ATP8A1: variants seen among roughly 807,000 people sequenced by gnomAD.
ATP8A1 encodes the protein ATPase phospholipid transporting 8A1, also known as phospholipid-transporting ATPase IA.
A neutral mutation model predicts 177.7 loss-of-function variants in ATP8A1; 90 were observed. The ratio of observed to expected loss-of-function variants is 0.51; its 90% CI spans 0.43 to 0.60. The LOEUF (loss-of-function observed/expected upper bound fraction) is 0.60, where lower values mean the gene tolerates loss of function less well. ATP8A1 is among the 20% of genes least tolerant of loss of function. The pLI is 0.00. For synonymous variants in ATP8A1, 493 were observed against 485.9 expected (o/e 1.01, Z -0.19); for missense variants, 1,072 against 1,392.8 (o/e 0.77, Z 3.67).
At chr4:42,617,792 CA>C (rs1459162122) in intron 4 of ATP8A1, among the ~76,000 whole-genome samples, 1 of 152,218 alleles carries the variant, frequency 6.6e-6, no homozygotes, top group East Asian at 1.9e-4. Context: ...AACTCTTGCA[CA>C]AGAGCATCTC....
chr4:42,631,311 A>G (rs112678725), intron 1 of ATP8A1, among the ~76,000 whole-genome samples: 9 of 152,356 alleles, frequency 5.9e-5, no homozygotes, highest in Admixed American at 1.3e-4. Flanking sequence ...TCAAGTAGAC[A>G]TATGTTGCCC....
At chr4:42,436,281 T>C (rs1172847695) in intron 33 of ATP8A1, among the ~76,000 whole-genome samples, 1 of 152,060 alleles carries the variant, frequency 6.6e-6, no homozygotes, top group African/African-American at 2.4e-5. Context: ...CCTTGCATCC[T>C]CCAGTGCCTA....
chr4:42,465,149 T>C (rs1466008115), intron 25 of ATP8A1, 73 bp from the exon 26 acceptor site: 3 of 1,344,538 alleles, frequency 2.2e-6, no homozygotes, highest in East Asian at 2.3e-5. Flanking sequence ...TGTTGAAGGA[T>C]AAAAGATGCA....
intron 22 of ATP8A1, among the ~76,000 whole-genome samples, chr4:42,513,432 G>A (rs1725218072): frequency 6.6e-6 from 1 of 152,088 alleles, no homozygotes; most frequent in Admixed American, 6.6e-5. Flanking sequence ...TCTTAGTCTC[G>A]ATGGCTCAAA....
chr4:42,500,160 T>C (rs896662417), intron 24 of ATP8A1, among the ~76,000 whole-genome samples: 2 of 151,338 alleles, frequency 1.3e-5, no homozygotes, highest in Non-Finnish European at 2.9e-5. Flanking sequence ...AGGTCAGGAG[T>C]TCAAGACCAG....
intron 6 of ATP8A1, among the ~76,000 whole-genome samples, chr4:42,592,575 T>C (rs1734293533): frequency 6.6e-6 from 1 of 152,156 alleles, no homozygotes. Flanking sequence ...CTTTCCCAAA[T>C]TGTTAGAAGG....
chr4:42,628,624 G>A (rs1032033089), intron 1 of ATP8A1, among the ~76,000 whole-genome samples: 1 of 151,412 alleles, frequency 6.6e-6, no homozygotes, highest in Non-Finnish European at 1.5e-5. Context: ...CAGCAGCTTT[G>A]CTCACAGTGT....
intron 7 of ATP8A1, among the ~76,000 whole-genome samples, chr4:42,589,852 CTT>C (rs5857854): frequency 1.4e-4 from 21 of 149,984 alleles, no homozygotes; most frequent in Middle Eastern, 3.4e-3. Context: ...TCTAATTCTA[CTT>C]TTTTTTTTTG....
chr4:42,624,517 GA>G lies in ATP8A1; in HGVS notation c.363+18del. 7.6e-7 allele frequency: 1 copy of G among 1,307,912 alleles called. No homozygotes were observed. Among genetic ancestry groups the G allele is most frequent in the Non-Finnish European group, 1.0e-6 (1 of 963,564 alleles). 81.0% of individuals were successfully genotyped at this position (1,307,912 alleles called of 1,614,324 possible). A position where few individuals can be genotyped will look rare whatever the true frequency, so the allele number is the denominator to read the frequency against. ...AAATAACAAAGTCACATACAATTATGAAAAAATAGAATACTTACAATATCTT... is the reference window on the plus strand; with the variant it reads ...AAATAACAAAGTCACATACAATTATGAAAAATAGAATACTTACAATATCTT... On this transcript the variant is annotated intron_variant, in intron 4 of 36. Transcript: ENST00000381668.
intron 15 of ATP8A1, among the ~76,000 whole-genome samples, chr4:42,565,347 T>C (rs1245400762): frequency 1.3e-5 from 2 of 152,222 alleles, no homozygotes; most frequent in Admixed American, 1.3e-4. Context: ...CTCTTTGTTA[T>C]ACAGTCACAC....
chr4:42,526,951 T>C (rs535794942), intron 20 of ATP8A1, among the ~76,000 whole-genome samples: 1 of 151,592 alleles, frequency 6.6e-6, no homozygotes, highest in African/African-American at 2.4e-5. Context: ...GTAAAATAAA[T>C]GCATTTGACA....
intron 25 of ATP8A1, among the ~76,000 whole-genome samples, chr4:42,479,744 T>C (rs1721460572): frequency 6.6e-6 from 1 of 152,182 alleles, no homozygotes; most frequent in South Asian, 2.1e-4. Context: ...TATATGTTTA[T>C]TCAAAGTTAG....
intron 20 of ATP8A1, among the ~76,000 whole-genome samples, chr4:42,531,323 C>T (rs1003014325): frequency 1.3e-5 from 2 of 152,312 alleles, no homozygotes; most frequent in Admixed American, 1.3e-4. Context: ...TGCTGAGGTG[C>T]TTGCTGAAGG....
At chr4:42,416,275 G>A (rs913839774) in intron 35 of ATP8A1, among the ~76,000 whole-genome samples, 1 of 152,172 alleles carries the variant, frequency 6.6e-6, no homozygotes, top group Admixed American at 6.5e-5. Flanking sequence ...GTGCTGGAAA[G>A]TCTTTGGTGT....
intron 20 of ATP8A1, among the ~76,000 whole-genome samples, chr4:42,532,938 C>T (rs1027479188): frequency 3.9e-5 from 6 of 152,184 alleles, no homozygotes; most frequent in South Asian, 2.1e-4. Flanking sequence ...GTACTTTGTA[C>T]GCCTATCCCA....
At chr4:42,414,792 A>G (rs1306011569) in intron 35 of ATP8A1, 74 bp from the exon 36 acceptor site, 4 of 1,085,140 alleles carry the variant, frequency 3.7e-6, no homozygotes, top group Non-Finnish European at 5.7e-6. Context: ...CAGGACCACC[A>G]AAGAGAGTTA....
chr4:42,643,532 G>C (rs1383767323), intron 1 of ATP8A1, among the ~76,000 whole-genome samples: 1 of 152,048 alleles, frequency 6.6e-6, no homozygotes, highest in African/African-American at 2.4e-5. Flanking sequence ...CAACAAATCT[G>C]TTGGATCTAT....
Position 42,657,080 on chromosome 4 carries a change from G to A in ATP8A1, c.-207C>T, listed in dbSNP as rs961602890. ...GGCAGCGGTGGCGGCGAAGGTGGCG[G>A]CGCCCGCAGAGCTGGGCGAGCTCTT... is the stretch of plus-strand genomic sequence containing the variant. On this transcript the variant is annotated 5_prime_UTR_variant, in exon 1 of 37. Coordinates refer to ENST00000381668, the MANE Select transcript of ATP8A1 (RefSeq NM_006095.2). The A allele has an allele frequency of 6.8e-5, 29 of 428,516 alleles. No individual in the cohort carries two copies. Among genetic ancestry groups the A allele is most frequent in the Non-Finnish European group, 9.7e-5 (25 of 257,424 alleles). 26.5% of individuals were successfully genotyped at this position (428,516 alleles called of 1,614,324 possible). A position where few individuals can be genotyped will look rare whatever the true frequency, so the allele number is the denominator to read the frequency against.
chr4:42,596,680 A>AAAAAG (rs1489875426), intron 6 of ATP8A1, among the ~76,000 whole-genome samples: 2 of 151,748 alleles, frequency 1.3e-5, no homozygotes, highest in Non-Finnish European at 2.9e-5. Context: ...AAAAAAAAAA[A>AAAAAG]AAAAGAAAAG....
Sources: allele counts gnomAD v4.1 joint callset (sites outside exome capture counted in the v4.1 genomes callset), GRCh38; gene constraint gnomAD v4.1.1; transcripts MANE v1.5; gene names NCBI Gene and HGNC (gene_info 2026-07-23, HGNC 2026-07-21).